Variants in ERI2 observed in about 807,000 individuals in gnomAD.
ERI2 encodes ERI1 exoribonuclease family member 2, also known as ERI1 exoribonuclease 2.
ERI2 carries 35 observed loss-of-function variants against 46.8 expected under a neutral mutation model. That is an observed-to-expected ratio of 0.75 (90% CI 0.57 to 0.99). ERI2 has a LOEUF of 0.99. Among genes scored for constraint, ERI2 ranks in the 50% least tolerant of loss-of-function variants. The pLI, the probability that ERI2 is intolerant of heterozygous loss-of-function variation, is 0.00. For missense variants in ERI2, 695 were observed against 796.2 expected, an observed-to-expected ratio of 0.87 and a Z score of 1.53; for synonymous variants, 224 against 271.0, an observed-to-expected ratio of 0.83 and a Z score of 1.70.
At chr16:20,793,635 C>T (rs766552250), downstream of ERI2, among the ~76,000 whole-genome samples, 3 of 152,190 alleles carry the variant, frequency 2.0e-5, no homozygotes, top group Non-Finnish European at 4.4e-5. Flanking sequence ...CCAGATATAG[C>T]CCAGTGGCTG....
At chr16:20,786,068 T>G (rs1033509057) in intron 10 of ERI2, 1 of 1,522,802 alleles carries the variant, frequency 6.6e-7, no homozygotes, top group Non-Finnish European at 8.9e-7. Context: ...TTTTTCTTCT[T>G]CTTAACTAGG....
At chr16:20,791,897 C>G, downstream of ERI2, 3 of 1,388,262 alleles carry the variant, frequency 2.2e-6, no homozygotes, top group Non-Finnish European at 2.9e-6. Context: ...TACTGCACTC[C>G]AGCCTGGGTA....
rs1310280617 is a variant in ERI2, at chr16:20,790,230, T to G, written c.815+620A>C. ...ACTTTGGGAGGCCAAGGCTGGAATA[T>G]CACTGGAAGCCAGGAACCAGCCTGG... On this transcript the variant is annotated intron_variant, in intron 9 of 10. Transcript: ENST00000300005. This position sits in a 1 kb window ranked among gnomAD's most constrained non-coding sequence, Gnocchi z 4.0. 6.6e-6 allele frequency among the ~76,000 whole-genome samples: 1 copy of G among 152,116 alleles called. No individual in the cohort carries two copies. The highest frequency in any genetic ancestry group is 2.4e-5 in the African/African-American group (1 of 41,412).
In ERI2 at chr16:20,798,832, T is replaced by C. The variant is rs901127003; in HGVS notation, c.968A>G (p.Asn323Ser). ...AAAAAGAGGTAAGGAACTTTTGACA[T>C]TGTGAAGACTTGCTTTTATATTGTT... Reference protein sequence around the residue: ...VKNNIKASLHNVKSSLPLFNT... With the variant: ...VKNNIKASLHSVKSSLPLFNT... Residue 323 changes from asparagine to serine, a missense_variant, in exon 9 of 9, where the codon AAT (asparagine) becomes AGT (serine). Asn to Ser is a conservative substitution (Grantham distance 46). Coordinates refer to ENST00000357967, the MANE Select transcript of ERI2 (RefSeq NM_001142725.2). 3 of 1,551,160 alleles carry C rather than the reference T, an allele frequency of 1.9e-6. No individual in the cohort carries two copies. The African/African-American group carries it at 4.1e-5, about 21-fold the overall frequency.
At position 20,790,628 on chromosome 16, in the gene ERI2, A is replaced by AG. The variant is rs770046133; in HGVS notation, c.815+221dup. ...GCAATGTTCTACCTCCTGGACAAGA[A>AG]GGAGATATTGGCATTCAAGTTCTAC... On this transcript the variant is annotated intron_variant, in intron 9 of 10. Coordinates refer to the ERI2 transcript ENST00000300005. This position sits in a 1 kb window ranked among gnomAD's most constrained non-coding sequence, Gnocchi z 4.0. 281 of 1,614,188 alleles carry AG rather than the reference A, an allele frequency of 1.7e-4. 5 individuals carry two copies. The South Asian group carries it at 3.0e-3, about 17-fold the overall frequency.
Position 20,797,935 on chromosome 16 carries a change from C to T in ERI2, c.1865G>A (p.Cys622Tyr), listed in dbSNP as rs745492293. ...GTTTTCTTGGTATTTCCCGATAGGG[C>T]AACAATAGAAGACTTTTCCATGGTT... ...GPNHGKVFYC[C>Y]PIGKYQENRK... Residue 622 changes from cysteine to tyrosine, a missense_variant, in exon 9 of 9, where the codon TGC becomes TAC. Coordinates refer to ENST00000357967, the MANE Select transcript of ERI2 (RefSeq NM_001142725.2). 1.1e-5 allele frequency: 17 copies of T among 1,551,682 alleles called. No individual in the cohort carries two copies. In the African/African-American group the frequency reaches 2.2e-4, roughly 20 times the overall value.
downstream of ERI2, among the ~76,000 whole-genome samples, chr16:20,791,724 C>G (rs1047826258): frequency 6.6e-6 from 1 of 151,976 alleles, no homozygotes; most frequent in African/African-American, 2.4e-5. Context: ...GTAAGGAGCT[C>G]GACACCAGCC....
chr16:20,802,931 A>G lies in ERI2; in HGVS notation c.176-8T>C. 6.3e-7 allele frequency: 1 copy of G among 1,580,494 alleles called. No homozygotes were observed. The highest frequency in any genetic ancestry group is 8.6e-7 in the Non-Finnish European group (1 of 1,159,528). Reference sequence around the variant, plus strand: ...ACACTGCTGGAAACTCAACTAAATGAAAGAATAATCAATTGACAGTTGAAT... The same window carrying G: ...ACACTGCTGGAAACTCAACTAAATGGAAGAATAATCAATTGACAGTTGAAT... On this transcript the variant is annotated splice_polypyrimidine_tract_variant and splice_region_variant and intron_variant, in intron 3 of 8. Transcript: ENST00000357967.
chr16:20,805,110 C>T (rs1353639884), intron 1 of ERI2, among the ~76,000 whole-genome samples: 2 of 152,122 alleles, frequency 1.3e-5, no homozygotes, highest in African/African-American at 4.8e-5. Context: ...AGGGAGGACA[C>T]AATAATTCAT....
intron 10 of ERI2, among the ~76,000 whole-genome samples, chr16:20,783,803 C>A (rs1299663078): frequency 6.4e-5 from 7 of 109,762 alleles, no homozygotes; most frequent in Non-Finnish European, 1.3e-4. Context: ...ATGTGTTCTC[C>A]CCGTCTCAAT....
intron 5 of ERI2, 77 bp downstream of exon 5, chr16:20,801,126 G>A (rs1596550752): frequency 7.9e-7 from 1 of 1,266,498 alleles, no homozygotes; most frequent in Non-Finnish European, 1.0e-6. Flanking sequence ...AGGTTAGCAA[G>A]TATAAAACTA....
chr16:20,791,935 A>G (rs1020750026), downstream of ERI2: 25 of 1,583,334 alleles, frequency 1.6e-5, no homozygotes, highest in South Asian at 2.2e-4. Flanking sequence ...CGGAAAAAAA[A>G]AAAAAAATTC....
chr16:20,786,902 G>A (rs1487192728), intron 10 of ERI2, among the ~76,000 whole-genome samples: 1 of 152,126 alleles, frequency 6.6e-6, no homozygotes, highest in African/African-American at 2.4e-5. Flanking sequence ...AGGCAAGGGA[G>A]GTCAAGACCT....
intron 10 of ERI2, chr16:20,781,864 C>G: frequency 8.7e-7 from 1 of 1,144,452 alleles, no homozygotes; most frequent in Non-Finnish European, 1.3e-6. Context: ...ATCTTTCTGC[C>G]TGAAACATAG....
chr16:20,799,401 C>T (rs1445847677), intron 7 of ERI2, 50 bp from the exon 8 acceptor site: 9 of 1,523,910 alleles, frequency 5.9e-6, no homozygotes, highest in Non-Finnish European at 8.1e-6. Flanking sequence ...AGTACTATTT[C>T]CTTAGTACTA....
chr16:20,796,677 C>T lies in ERI2; in HGVS notation c.*1047G>A, dbSNP rs1435551804. 6.8e-7 allele frequency: 1 copy of T among 1,475,480 alleles called. No individual in the cohort carries two copies. Among genetic ancestry groups the T allele is most frequent in the Non-Finnish European group, 8.9e-7 (1 of 1,120,652 alleles). 91.4% of individuals were successfully genotyped at this position (1,475,480 alleles called of 1,614,324 possible). A position where few individuals can be genotyped will look rare whatever the true frequency, so the allele number is the denominator to read the frequency against. ...AAACCCTGAACCTATTTTGTTTGGT[C>T]CTTTGGCTTACTGGACTCACAGTAA... On this transcript the variant is annotated 3_prime_UTR_variant, in exon 9 of 9. Coordinates refer to ENST00000357967, the MANE Select transcript of ERI2 (RefSeq NM_001142725.2).
chr16:20,795,821 CCTAT>C (rs2080712082), downstream of ERI2, among the ~76,000 whole-genome samples: 1 of 152,150 alleles, frequency 6.6e-6, no homozygotes, highest in South Asian at 2.1e-4. Context: ...TGAGGGATGG[CCTAT>C]CTTTCTGTCT....
downstream of ERI2, among the ~76,000 whole-genome samples, chr16:20,793,527 C>T (rs1158484258): frequency 6.6e-6 from 1 of 152,168 alleles, no homozygotes; most frequent in Non-Finnish European, 1.5e-5. Context: ...GTGCATGTTA[C>T]AGTGGAGGGT....
In ERI2 at chr16:20,803,629, T is replaced by C. The variant is rs2080819042; in HGVS notation, c.65A>G (p.Asn22Ser). The change falls in exon 2 of 9, where the codon AAT becomes AGT. Residue 22 changes from asparagine (N) to serine (S), a missense_variant. Physicochemically the swap from Asn to Ser is conservative, Grantham distance 46. Coordinates refer to ENST00000357967, the MANE Select transcript of ERI2 (RefSeq NM_001142725.2). ...GGATTTGCTTCTTCCGAGATTTCCA[T>C]TTGCTGGCGCAATTGACTTTCTCCT... ...LIRRKSIAPA[N>S]GNLGRSKSKQ... The C allele has an allele frequency of 1.2e-6, 2 of 1,614,068 alleles. No individual in the cohort carries two copies. Among genetic ancestry groups the C allele is most frequent in the Non-Finnish European group, 8.5e-7 (1 of 1,180,024 alleles).
Sources: allele counts gnomAD v4.1 joint callset (sites outside exome capture counted in the v4.1 genomes callset), GRCh38; gene constraint gnomAD v4.1.1; non-coding constraint Gnocchi (gnomAD v3.1); transcripts MANE v1.5; gene names NCBI Gene and HGNC (gene_info 2026-07-23, HGNC 2026-07-21).